The following TAFA5 variants were observed in gnomAD, a reference collection of about 807,000 sequenced individuals.
TAFA5 encodes TAFA chemokine like family member 5.
In TAFA5, 6 loss-of-function variants were observed where a neutral mutation model predicts 15.3. The observed-to-expected ratio is 0.39, with a 90% CI of 0.21 to 0.77. The LOEUF (loss-of-function observed/expected upper bound fraction) is 0.77. Among genes scored for constraint, TAFA5 ranks in the 30% least tolerant of loss-of-function variants. TAFA5 has a pLI of 0.41. For synonymous variants in TAFA5, 103 were observed against 80.7 expected (o/e 1.28, Z -1.48); for missense variants, 161 against 193.1 (o/e 0.83, Z 0.98).
At chr22:48,647,144 G>A (rs79456894) in intron 2 of TAFA5, among the ~76,000 whole-genome samples, 3,926 of 152,228 alleles carry the variant, frequency 0.026, 162 homozygotes, top group African/African-American at 0.081. Flanking sequence ...GGCTGCCAGC[G>A]GGACCTGGCT....
chr22:48,622,732 C>G (rs996283639), intron 1 of TAFA5, among the ~76,000 whole-genome samples: 3 of 152,214 alleles, frequency 2.0e-5, no homozygotes, highest in African/African-American at 7.2e-5. Flanking sequence ...GGTATCGATG[C>G]GGGACAGCCC....
At chr22:48,747,045 G>T (rs1158050120) in intron 3 of TAFA5, among the ~76,000 whole-genome samples, 1 of 152,188 alleles carries the variant, frequency 6.6e-6, no homozygotes, top group Non-Finnish European at 1.5e-5. Flanking sequence ...GGCTAGGAGG[G>T]CGGAGGGCAG....
intron 1 of TAFA5, among the ~76,000 whole-genome samples, chr22:48,591,632 G>C (rs1297642937): frequency 1.3e-5 from 2 of 152,238 alleles, no homozygotes; most frequent in Non-Finnish European, 2.9e-5. Context: ...AGGGCAGCGG[G>C]GTCACAGGGT....
At chr22:48,628,499 C>A (rs1226161599) in intron 1 of TAFA5, among the ~76,000 whole-genome samples, 1 of 152,256 alleles carries the variant, frequency 6.6e-6, no homozygotes, top group African/African-American at 2.4e-5. Flanking sequence ...TGCCCTGTGC[C>A]TGGCTTTTCT....
At chr22:48,531,232 C>T (rs553023148) in intron 1 of TAFA5, among the ~76,000 whole-genome samples, 1 of 152,296 alleles carries the variant, frequency 6.6e-6, no homozygotes, top group African/African-American at 2.4e-5. Context: ...GATGTGTGGC[C>T]GCAGGAGCTG....
intron 1 of TAFA5, among the ~76,000 whole-genome samples, chr22:48,528,344 A>G (rs1185351277): frequency 6.6e-6 from 1 of 152,098 alleles, no homozygotes; most frequent in Non-Finnish European, 1.5e-5. Context: ...TGTCTCCAGG[A>G]AAGGGTTCTG....
chr22:48,687,605 C>A (rs1928404332), intron 2 of TAFA5, among the ~76,000 whole-genome samples: 1 of 152,126 alleles, frequency 6.6e-6, no homozygotes, highest in Non-Finnish European at 1.5e-5. Flanking sequence ...GTTAATTTTG[C>A]CATGGCGAGT....
intron 1 of TAFA5, among the ~76,000 whole-genome samples, chr22:48,628,856 C>T (rs1450864323): frequency 6.6e-6 from 1 of 152,244 alleles, no homozygotes; most frequent in Non-Finnish European, 1.5e-5. Context: ...GTGCCAGCCT[C>T]CTGCAAGGTG....
At chr22:48,556,292 C>A (rs1490929837) in intron 1 of TAFA5, among the ~76,000 whole-genome samples, 1 of 152,218 alleles carries the variant, frequency 6.6e-6, no homozygotes, top group Non-Finnish European at 1.5e-5. Flanking sequence ...TCCTGCAGAG[C>A]AGCCCCTCTG....
intron 1 of TAFA5, among the ~76,000 whole-genome samples, chr22:48,547,987 G>C (rs1243823362): frequency 6.6e-6 from 1 of 152,210 alleles, no homozygotes; most frequent in Non-Finnish European, 1.5e-5. Flanking sequence ...TCCAGCCCCA[G>C]TCCTGCCCTG....
intron 1 of TAFA5, among the ~76,000 whole-genome samples, chr22:48,553,550 G>T (rs1262601835): frequency 6.6e-6 from 1 of 152,180 alleles, no homozygotes; most frequent in Non-Finnish European, 1.5e-5. Context: ...GCGTCCCAGG[G>T]ATGAGTCCTG....
intron 1 of TAFA5, among the ~76,000 whole-genome samples, chr22:48,634,120 GCTCACTCA>G (rs71194366): frequency 5.0e-4 from 75 of 150,738 alleles, no homozygotes; most frequent in African/African-American, 1.5e-3. Flanking sequence ...TCACTCACTC[GCTCACTCA>G]CTCACTCACT....
intron 3 of TAFA5, among the ~76,000 whole-genome samples, chr22:48,725,952 C>CATAAAA (rs1929703123): frequency 6.6e-6 from 1 of 152,152 alleles, no homozygotes; most frequent in Non-Finnish European, 1.5e-5. Context: ...CAAAAACACC[C>CATAAAA]TGGATCTAGC....
intron 3 of TAFA5, among the ~76,000 whole-genome samples, chr22:48,729,385 A>G (rs1929804592): frequency 7.4e-6 from 1 of 134,774 alleles, no homozygotes; most frequent in Non-Finnish European, 1.6e-5. Flanking sequence ...ATATATGTAA[A>G]TATATAATAG....
chr22:48,547,484 C>T (rs1419321375), intron 1 of TAFA5: 5 of 152,206 alleles, frequency 3.3e-5, no homozygotes, highest in African/African-American at 1.2e-4. Context: ...AGCCCCCATA[C>T]TGGGTGAGAG....
intron 3 of TAFA5, among the ~76,000 whole-genome samples, chr22:48,749,387 G>A (rs1930417951): frequency 6.6e-6 from 1 of 152,212 alleles, no homozygotes; most frequent in Admixed American, 6.5e-5. Flanking sequence ...CGTGGTGGGG[G>A]TGCGGCCAGG....
chr22:48,634,420 CTCAT>C (rs968231359), intron 1 of TAFA5, among the ~76,000 whole-genome samples: 1 of 151,986 alleles, frequency 6.6e-6, no homozygotes, highest in African/African-American at 2.4e-5. Context: ...CACTCCTTTA[CTCAT>C]TCACTCACTC....
chr22:48,620,894 C>CTATCCTATT (rs1925793995), intron 1 of TAFA5, among the ~76,000 whole-genome samples: 1 of 60,212 alleles, frequency 1.7e-5, no homozygotes. Context: ...ATCCACCCAC[C>CTATCCTATT]CAGTCTATCC....
At chr22:48,583,197 A>G (rs1018306388) in intron 1 of TAFA5, among the ~76,000 whole-genome samples, 5 of 140,314 alleles carry the variant, frequency 3.6e-5, no homozygotes, top group African/African-American at 5.4e-5. Flanking sequence ...TCCAAACACA[A>G]AATATACACA....
Sources: gnomAD v4.1 joint callset for allele counts (sites outside exome capture counted in the v4.1 genomes callset) on GRCh38, gnomAD v4.1.1 for gene constraint, MANE v1.5 for transcripts, NCBI Gene and HGNC (gene_info 2026-07-23, HGNC 2026-07-21) for gene names.